The following ITGBL1 variants were observed in gnomAD, a reference collection of about 807,000 sequenced individuals.
ITGBL1 encodes the protein integrin beta-like protein 1.
ITGBL1 carries 51 observed loss-of-function variants against 68.5 expected under a neutral mutation model. The observed-to-expected ratio is 0.74, with a 90% CI of 0.59 to 0.94. The LOEUF (loss-of-function observed/expected upper bound fraction) is 0.94. Among genes scored for constraint, ITGBL1 ranks in the 40% least tolerant of loss-of-function variants. ITGBL1 has a pLI of 0.00. For synonymous variants in ITGBL1, 209 were observed against 227.3 expected (o/e 0.92, Z 0.72); for missense variants, 649 against 647.4 (o/e 1.00, Z -0.03).
At chr13:101,570,800 T>TA (rs1334834709) in intron 3 of ITGBL1, among the ~76,000 whole-genome samples, 1 of 152,194 alleles carries the variant, frequency 6.6e-6, no homozygotes, top group Non-Finnish European at 1.5e-5. Flanking sequence ...TGGTTAAACT[T>TA]AAGTTCTGTT....
intron 7 of ITGBL1, among the ~76,000 whole-genome samples, chr13:101,650,157 A>G (rs1234373772): frequency 6.6e-6 from 1 of 152,222 alleles, no homozygotes; most frequent in Non-Finnish European, 1.5e-5. Flanking sequence ...TAAAATGCTC[A>G]AAAACTTTTT....
At chr13:101,582,410 G>C (rs1456326913) in intron 5 of ITGBL1, among the ~76,000 whole-genome samples, 1 of 152,140 alleles carries the variant, frequency 6.6e-6, no homozygotes, top group African/African-American at 2.4e-5. Flanking sequence ...TAAGAGGTAA[G>C]AAAAGGATTT....
intron 2 of ITGBL1, among the ~76,000 whole-genome samples, chr13:101,540,537 C>G (rs1415598010): frequency 6.6e-6 from 1 of 152,114 alleles, no homozygotes; most frequent in East Asian, 1.9e-4. Context: ...GCAATGTGGG[C>G]TCTTTTTTGG....
intron 8 of ITGBL1, among the ~76,000 whole-genome samples, chr13:101,693,718 G>C (rs554208117): frequency 1.3e-5 from 2 of 151,930 alleles, no homozygotes; most frequent in East Asian, 3.9e-4. Context: ...CCATATGCCT[G>C]TTCTCTCTCT....
At chr13:101,717,971 G>A (rs77113816), downstream of ITGBL1, 79 of 152,020 alleles carry the variant, frequency 5.2e-4, no homozygotes, top group African/African-American at 1.4e-3. Context: ...AAATGTCCTC[G>A]GCATTTGTTT....
chr13:101,572,338 TG>T (rs1216818349), intron 3 of ITGBL1, among the ~76,000 whole-genome samples: 1 of 152,048 alleles, frequency 6.6e-6, no homozygotes, highest in African/African-American at 2.4e-5. Context: ...GAGGCAGAGC[TG>T]GGGATCAAAG....
chr13:101,521,186 G>C (rs2049278347), intron 2 of ITGBL1, among the ~76,000 whole-genome samples: 1 of 152,154 alleles, frequency 6.6e-6, no homozygotes, highest in South Asian at 2.1e-4. Context: ...ATATTGGAAA[G>C]TTATTCCTCA....
chr13:101,659,606 C>T (rs1412080383), intron 7 of ITGBL1, among the ~76,000 whole-genome samples: 3 of 152,022 alleles, frequency 2.0e-5, no homozygotes, highest in Non-Finnish European at 2.9e-5. Context: ...GGACTACAGG[C>T]ATGTGCCACC....
chr13:101,526,377 C>T (rs1006277594), intron 2 of ITGBL1, among the ~76,000 whole-genome samples: 1 of 151,888 alleles, frequency 6.6e-6, no homozygotes, highest in African/African-American at 2.4e-5. Context: ...CATTGTTCAA[C>T]TCCCACTTAT....
At chr13:101,627,445 T>C (rs1401916279) in intron 7 of ITGBL1, among the ~76,000 whole-genome samples, 1 of 152,102 alleles carries the variant, frequency 6.6e-6, no homozygotes, top group African/African-American at 2.4e-5. Context: ...GTCAGGAACC[T>C]ACATTTACAC....
chr13:101,544,495 G>T (rs1415484196), intron 2 of ITGBL1, among the ~76,000 whole-genome samples: 1 of 151,364 alleles, frequency 6.6e-6, no homozygotes, highest in Non-Finnish European at 1.5e-5. Flanking sequence ...AGGCTCCTCG[G>T]GGGTCAGGGA....
intron 2 of ITGBL1, among the ~76,000 whole-genome samples, chr13:101,503,980 TTTGAC>T (rs2048984928): frequency 6.6e-6 from 1 of 152,160 alleles, no homozygotes; most frequent in Non-Finnish European, 1.5e-5. Context: ...TTTAGGCTAA[TTTGAC>T]TTGGTAAAGC....
At chr13:101,473,235 A>C (rs1476644921) in intron 2 of ITGBL1, among the ~76,000 whole-genome samples, 2 of 152,166 alleles carry the variant, frequency 1.3e-5, no homozygotes, top group Non-Finnish European at 2.9e-5. Flanking sequence ...ATACCATATC[A>C]AAGAAAGAGG....
Position 101,454,111 on chromosome 13 carries a change from G to T in ITGBL1, c.316+11G>T. On this transcript the variant is annotated intron_variant, in intron 2 of 10. Coordinates refer to ENST00000376180, the MANE Select transcript of ITGBL1 (RefSeq NM_004791.3). Reference sequence around the variant, plus strand: ...GGAGCACCTGTGCAGGTAAGAGGGCGGCGCTGTCTCCTCCCTCGGGAGGTC... The same window carrying T: ...GGAGCACCTGTGCAGGTAAGAGGGCTGCGCTGTCTCCTCCCTCGGGAGGTC... 6.5e-7 allele frequency: 1 copy of T among 1,529,690 alleles called. No individual in the cohort carries two copies. Among genetic ancestry groups the T allele is most frequent in the Non-Finnish European group, 8.8e-7 (1 of 1,133,808 alleles). 94.8% of individuals were successfully genotyped at this position (1,529,690 alleles called of 1,614,324 possible).
chr13:101,455,680 A>G (rs1365444333), intron 2 of ITGBL1, among the ~76,000 whole-genome samples: 2 of 152,218 alleles, frequency 1.3e-5, no homozygotes, highest in African/African-American at 4.8e-5. Context: ...TAAATTAATA[A>G]ATAAAATTAA....
At chr13:101,687,857 A>G (rs2033791316) in intron 7 of ITGBL1, among the ~76,000 whole-genome samples, 1 of 152,042 alleles carries the variant, frequency 6.6e-6, no homozygotes, top group African/African-American at 2.4e-5. Flanking sequence ...CTTCTTGCAA[A>G]TTACTTGCTT....
chr13:101,574,256 T>TCTGTATAC, intron 3 of ITGBL1, among the ~76,000 whole-genome samples: 1 of 84,488 alleles, frequency 1.2e-5, no homozygotes, highest in Non-Finnish European at 2.5e-5. Context: ...TTCATGCTGT[T>TCTGTATAC]CTCATGTGGT....
At position 101,489,554 on chromosome 13, in the gene ITGBL1, T is replaced by C. The variant is rs77716257; in HGVS notation, c.316+35454T>C. Among the ~76,000 whole-genome samples the C allele has an allele frequency of 4.5e-3, 681 of 152,220 alleles. 3 individuals carry two copies. The highest frequency in any genetic ancestry group is 0.016 in the African/African-American group (648 of 41,532). On this transcript the variant is annotated intron_variant, in intron 2 of 10. Transcript: ENST00000376180. ...TGTGATTTGGAGAGAGCAGCTGACA[T>C]AGTTGAATATATATCAGATATATGG...
chr13:101,667,387 T>C (rs1015675343), intron 7 of ITGBL1, among the ~76,000 whole-genome samples: 3 of 151,892 alleles, frequency 2.0e-5, no homozygotes, highest in African/African-American at 7.3e-5. Flanking sequence ...GAAACTAAAA[T>C]AGGTCAAAGT....
Sources: allele counts gnomAD v4.1 joint callset (sites outside exome capture counted in the v4.1 genomes callset), GRCh38; gene constraint gnomAD v4.1.1; transcripts MANE v1.5; gene names NCBI Gene and HGNC (gene_info 2026-07-23, HGNC 2026-07-21).